The following CD28 variants were observed in gnomAD, a reference collection of about 807,000 sequenced individuals.
The protein encoded by CD28 is T-cell-specific surface glycoprotein CD28.
A neutral mutation model predicts 21.4 loss-of-function variants in CD28; 8 were observed. That is an observed-to-expected ratio of 0.37 (90% CI 0.22 to 0.68). The LOEUF is 0.68. Ranked by LOEUF, CD28 falls within the 30% of genes least tolerant of loss-of-function variation. The probability of loss-of-function intolerance (pLI) is 0.55; values close to 1 mark genes in which losing one functional copy is unlikely to be tolerated. For synonymous variants in CD28, 106 were observed against 104.0 expected (o/e 1.02, Z -0.12); for missense variants, 239 against 272.2 (o/e 0.88, Z 0.86).
intron 1 of CD28, among the ~76,000 whole-genome samples, chr2:203,714,794 C>T (rs961725324): frequency 2.6e-5 from 4 of 152,166 alleles, no homozygotes; most frequent in Non-Finnish European, 5.9e-5. Flanking sequence ...AATTAGAAAC[C>T]AGCCATCTCT....
chr2:203,710,245 T>C (rs1693275779), intron 1 of CD28, among the ~76,000 whole-genome samples: 1 of 152,214 alleles, frequency 6.6e-6, no homozygotes, highest in East Asian at 1.9e-4. Flanking sequence ...GTAAATTTGA[T>C]GGATATTTCA....
In CD28 at chr2:203,726,625, TC is replaced by T. The variant is rs371355355; in HGVS notation, c.53-3del. 191 of 1,587,346 alleles carry T rather than the reference TC, an allele frequency of 1.2e-4. No homozygotes were observed. The East Asian group carries it at 3.5e-3, about 29-fold the overall frequency. On this transcript the variant is annotated splice_polypyrimidine_tract_variant and splice_region_variant and intron_variant, in intron 1 of 3. Transcript: ENST00000324106. ...TTGTTCTAAGCAAATGATTTTTTTT[TC>T]CCCCAGGAAACAAGATTTTGGTGAA...
rs1694098404 is a variant in CD28, at chr2:203,738,385, A to G, written c.*3473A>G. Reference sequence around the variant, plus strand: ...GCTGGAGATTAGAGATGGTGCCAATAAAGGACCCAGAACCAGGATCTTGAT... The same window carrying G: ...GCTGGAGATTAGAGATGGTGCCAATGAAGGACCCAGAACCAGGATCTTGAT... On this transcript the variant is annotated 3_prime_UTR_variant, in exon 4 of 4. Coordinates refer to ENST00000324106, the MANE Select transcript of CD28 (RefSeq NM_006139.4). 6.6e-6 allele frequency: 1 copy of G among 152,192 alleles called. No homozygotes were observed. The highest frequency in any genetic ancestry group is 2.1e-4 in the South Asian group (1 of 4,834). 9.4% of individuals were successfully genotyped at this position (152,192 alleles called of 1,614,324 possible).
Position 203,729,629 on chromosome 2 carries a change from A to G in CD28, c.410-19A>G, listed in dbSNP as rs754303974. 19 of 1,610,434 alleles carry G rather than the reference A, an allele frequency of 1.2e-5. No individual in the cohort carries two copies. The African/African-American group carries it at 2.3e-4, about 19-fold the overall frequency. On this transcript the variant is annotated intron_variant, in intron 2 of 3. Transcript: ENST00000324106. ...TTGCTATTCCTGTATCATTTAATCC[A>G]CTCTATTTTGTTTTTCAGGGAAACA... is the stretch of plus-strand genomic sequence containing the variant.
rs1412906091 is a variant in CD28, at chr2:203,735,592, T to C, written c.*680T>C. The C allele has an allele frequency of 1.3e-5, 2 of 152,678 alleles. No individual in the cohort carries two copies. Among genetic ancestry groups the C allele is most frequent in the East Asian group, 3.8e-4 (2 of 5,196 alleles). The allele number at this position is 152,678 out of a possible 1,614,324, so 9.5% of individuals were successfully genotyped here. A position where few individuals can be genotyped will look rare whatever the true frequency, so the allele number is the denominator to read the frequency against. On this transcript the variant is annotated 3_prime_UTR_variant, in exon 4 of 4. Transcript: ENST00000324106. ...CAAAGCAATATCAGGTAAACCAAGT[T>C]GCTTTCCTCACTCCCTGTCATGAGA...
chr2:203,727,465 C>CCTTCCTTCCTTCCTTTT (rs1553645820), intron 2 of CD28, among the ~76,000 whole-genome samples: 1 of 149,900 alleles, frequency 6.7e-6, no homozygotes, highest in Non-Finnish European at 1.5e-5. Context: ...TTCCTTCCTT[C>CCTTCCTTCCTTCCTTTT]CTTTTCTTTT....
intron 1 of CD28, among the ~76,000 whole-genome samples, chr2:203,720,675 A>G (rs1414933463): frequency 2.6e-5 from 4 of 152,266 alleles, no homozygotes; most frequent in African/African-American, 9.6e-5. Context: ...AGAAACTCAG[A>G]GACCGAAAAT....
intron 1 of CD28, among the ~76,000 whole-genome samples, chr2:203,707,630 T>C (rs1015040148): frequency 6.6e-6 from 1 of 152,202 alleles, no homozygotes; most frequent in African/African-American, 2.4e-5. Context: ...TCTAGCACTT[T>C]GAGCAGCACA....
intron 1 of CD28, among the ~76,000 whole-genome samples, chr2:203,724,466 A>T (rs999591256): frequency 7.2e-5 from 11 of 152,236 alleles, no homozygotes; most frequent in Admixed American, 4.6e-4. Flanking sequence ...TAGACCAATT[A>T]AATCAGAATT....
intron 2 of CD28, among the ~76,000 whole-genome samples, chr2:203,728,568 G>GT (rs1693810238): frequency 1.3e-5 from 2 of 152,104 alleles, no homozygotes; most frequent in South Asian, 4.1e-4. Context: ...TTGTTAATGT[G>GT]GCAGATAAGC....
At chr2:203,734,250 G>A (rs1309197760) in intron 3 of CD28, among the ~76,000 whole-genome samples, 2 of 152,222 alleles carry the variant, frequency 1.3e-5, no homozygotes, top group Non-Finnish European at 2.9e-5. Flanking sequence ...AGAGAGATGA[G>A]TGTAGAAATA....
At chr2:203,731,942 G>A (rs958529369) in intron 3 of CD28, among the ~76,000 whole-genome samples, 6 of 152,064 alleles carry the variant, frequency 3.9e-5, no homozygotes, top group South Asian at 2.1e-4. Context: ...TCTCAAACCT[G>A]GGTCTTTGTA....
intron 1 of CD28, among the ~76,000 whole-genome samples, chr2:203,720,867 C>T (rs1165990200): frequency 2.6e-5 from 4 of 152,274 alleles, no homozygotes; most frequent in Non-Finnish European, 5.9e-5. Flanking sequence ...TTCAGTATCA[C>T]TTAGAGTCAC....
At chr2:203,706,618 G>T (rs746254059), upstream of CD28, 4 of 1,612,156 alleles carry the variant, frequency 2.5e-6, no homozygotes, top group East Asian at 6.7e-5. Flanking sequence ...GCCTTGGCAG[G>T]TGCGTCTTTC....
At chr2:203,717,802 T>G (rs1693500886) in intron 1 of CD28, among the ~76,000 whole-genome samples, 1 of 152,172 alleles carries the variant, frequency 6.6e-6, no homozygotes, top group Non-Finnish European at 1.5e-5. Flanking sequence ...GACCACTGTA[T>G]ATGCATGTTT....
intron 2 of CD28, among the ~76,000 whole-genome samples, chr2:203,727,686 A>AT (rs68139062): frequency 0.026 from 3,698 of 140,382 alleles, 89 homozygotes; most frequent in Middle Eastern, 0.076. Flanking sequence ...TAATTAATTA[A>AT]TTTTTTTTTT....
Position 203,736,916 on chromosome 2 carries a change from T to C in CD28, c.*2004T>C, listed in dbSNP as rs1694052348. 1 of 152,240 alleles carries C rather than the reference T, an allele frequency of 6.6e-6. No homozygotes were observed. 9.4% of individuals were successfully genotyped at this position (152,240 alleles called of 1,614,324 possible). On this transcript the variant is annotated 3_prime_UTR_variant, in exon 4 of 4. Coordinates refer to ENST00000324106, the MANE Select transcript of CD28 (RefSeq NM_006139.4). ...CCCGACATACAATGTTAGCTATTGG[T>C]ATTATTGCCATATAGATAAATTATG...
intron 1 of CD28, 71 bp from the exon 2 acceptor site, chr2:203,726,562 A>C (rs1437895111): frequency 1.9e-6 from 2 of 1,053,458 alleles, no homozygotes; most frequent in Non-Finnish European, 2.8e-6. Flanking sequence ...GTTAATTAAT[A>C]TATTTTGCTC....
Position 203,729,436 on chromosome 2 carries a change from C to T in CD28, c.410-212C>T, listed in dbSNP as rs56228674. ...CAAGTCTACCAGTGTACCATCCTAA[C>T]GTAATGGCTTTCAACTGTGGTCGTG... On this transcript the variant is annotated intron_variant, in intron 2 of 3. Transcript: ENST00000324106. Among the ~76,000 whole-genome samples, 1,448 of 152,228 alleles carry T rather than the reference C, an allele frequency of 9.5e-3. 11 individuals carry two copies. The highest frequency in any genetic ancestry group is 0.04 in the East Asian group (209 of 5,180).
Sources: allele counts gnomAD v4.1 joint callset (sites outside exome capture counted in the v4.1 genomes callset), GRCh38; gene constraint gnomAD v4.1.1; transcripts MANE v1.5; gene names NCBI Gene and HGNC (gene_info 2026-07-23, HGNC 2026-07-21).